Variants in LMX1B observed in about 807,000 individuals in gnomAD.
LMX1B encodes the protein LIM homeobox transcription factor 1 beta.
Under a neutral mutation model 51.4 loss-of-function variants are expected in LMX1B, and 12 were observed. That is an observed-to-expected ratio of 0.23 (90% CI 0.15 to 0.38). The LOEUF (loss-of-function observed/expected upper bound fraction) is 0.38, where lower values mean the gene tolerates loss of function less well. LMX1B is among the 10% of genes least tolerant of loss of function. LMX1B has a pLI of 1.00. For missense variants in LMX1B, 445 were observed against 571.1 expected, an observed-to-expected ratio of 0.78 and a Z score of 2.25; for synonymous variants, 237 against 235.4, an observed-to-expected ratio of 1.01 and a Z score of -0.06.
intron 2 of LMX1B, among the ~76,000 whole-genome samples, chr9:126,616,128 C>T (rs2118825885): frequency 6.6e-6 from 1 of 152,340 alleles, no homozygotes; most frequent in South Asian, 2.1e-4. Context: ...CCAAACCGTT[C>T]CATGCGGGAA....
chr9:126,694,352 C>T (rs2030253017), intron 6 of LMX1B, among the ~76,000 whole-genome samples: 1 of 152,200 alleles, frequency 6.6e-6, no homozygotes. Context: ...AAGCCTGGAG[C>T]TCAAGCCTGT....
chr9:126,652,019 G>A (rs945356078), intron 2 of LMX1B, among the ~76,000 whole-genome samples: 2 of 148,174 alleles, frequency 1.3e-5, no homozygotes, highest in Admixed American at 6.8e-5. Context: ...GCCTGCCTGC[G>A]GTGGGATACT....
At position 126,640,329 on chromosome 9, in the gene LMX1B, T is replaced by TA. The variant is rs374523015; in HGVS notation, c.326+24761dup. Among the ~76,000 whole-genome samples, 332 of 152,244 alleles carry TA rather than the reference T, an allele frequency of 2.2e-3. 1 individual carries two copies. The highest frequency in any genetic ancestry group is 7.6e-3 in the African/African-American group (315 of 41,546). On this transcript the variant is annotated intron_variant, in intron 2 of 7. Coordinates refer to ENST00000373474, the MANE Select transcript of LMX1B (RefSeq NM_001174147.2). ...CAGGTATCCTGAGCTCTGCACCCTG[T>TA]AGGCCTTGGTATGGGACCCCTCCAA...
At chr9:126,663,224 C>T (rs561014661) in intron 2 of LMX1B, among the ~76,000 whole-genome samples, 16 of 151,768 alleles carry the variant, frequency 1.1e-4, no homozygotes, top group Non-Finnish European at 2.2e-4. Context: ...GTCAGGAGTT[C>T]GAGACCAGCC....
At chr9:126,646,316 C>G (rs1238237320) in intron 2 of LMX1B, among the ~76,000 whole-genome samples, 1 of 152,000 alleles carries the variant, frequency 6.6e-6, no homozygotes, top group Non-Finnish European at 1.5e-5. Context: ...AGCCACCTAC[C>G]TATCCATCCA....
intron 2 of LMX1B, among the ~76,000 whole-genome samples, chr9:126,649,867 A>G (rs368952859): frequency 6.6e-5 from 10 of 152,308 alleles, no homozygotes; most frequent in African/African-American, 1.9e-4. Context: ...AGCTCAAGCA[A>G]TCTGCCCACC....
intron 3 of LMX1B, 41 bp from the exon 4 acceptor site, chr9:126,693,101 C>G (rs539012383): frequency 3.9e-6 from 6 of 1,539,578 alleles, no homozygotes; most frequent in East Asian, 4.9e-5. Flanking sequence ...GCCTGGGCTG[C>G]CCCCGCCCCT....
chr9:126,696,527 C>T lies in LMX1B; in HGVS notation c.*76C>T, dbSNP rs1223814467. The stretch of plus-strand genomic sequence containing the variant: ...AGCCTCTGCGGCCAGCCTGGCCACC[C>T]CCGCCCTGCTCTCCGCACAGACTAC... On this transcript the variant is annotated 3_prime_UTR_variant, in exon 8 of 8. Transcript: ENST00000373474. The T allele has an allele frequency of 1.1e-5, 17 of 1,539,642 alleles. No homozygotes were observed. The highest frequency in any genetic ancestry group is 8.4e-5 in the Admixed American group (5 of 59,712).
intron 2 of LMX1B, among the ~76,000 whole-genome samples, chr9:126,657,052 G>A (rs529818832): frequency 2.0e-5 from 3 of 152,292 alleles, no homozygotes; most frequent in Admixed American, 2.0e-4. Flanking sequence ...GGGTGGCCCT[G>A]GTCACCTAAC....
intron 2 of LMX1B, among the ~76,000 whole-genome samples, chr9:126,683,091 G>T (rs1178441220): frequency 6.6e-6 from 1 of 151,152 alleles, no homozygotes; most frequent in African/African-American, 2.4e-5. Context: ...TCAAAGGGCC[G>T]AGGGGCCGGC....
intron 2 of LMX1B, among the ~76,000 whole-genome samples, chr9:126,685,060 C>T (rs35556164): frequency 0.096 from 14,537 of 152,160 alleles, 1,054 homozygotes; most frequent in East Asian, 0.34. Flanking sequence ...AAATTAGACC[C>T]AGTATCTGAT....
At position 126,652,994 on chromosome 9, in the gene LMX1B, C is replaced by T. The variant is rs529363991; in HGVS notation, c.326+37425C>T. ...GGCTGGGCAAGACTGAAAACAAACC[C>T]AGCAAAAGGGCCCAGGGTTGCCTGA... On this transcript the variant is annotated intron_variant, in intron 2 of 7. Coordinates refer to ENST00000373474, the MANE Select transcript of LMX1B (RefSeq NM_001174147.2). Among the ~76,000 whole-genome samples, 52 of 152,238 alleles carry T rather than the reference C, an allele frequency of 3.4e-4. 1 individual carries two copies. The highest frequency in any genetic ancestry group is 1.2e-3 in the African/African-American group (49 of 41,546).
At chr9:126,661,476 G>A (rs1448640775) in intron 2 of LMX1B, among the ~76,000 whole-genome samples, 2 of 152,198 alleles carry the variant, frequency 1.3e-5, no homozygotes, top group African/African-American at 2.4e-5. Flanking sequence ...AGGCTGAGCC[G>A]AAGCACATGG....
intron 2 of LMX1B, among the ~76,000 whole-genome samples, chr9:126,619,233 C>T (rs978502564): frequency 3.9e-5 from 6 of 152,234 alleles, no homozygotes; most frequent in Admixed American, 2.6e-4. Flanking sequence ...GCATTCCTTT[C>T]CTTGGAAGTG....
At chr9:126,669,826 G>C (rs907818365) in intron 2 of LMX1B, among the ~76,000 whole-genome samples, 25 of 152,150 alleles carry the variant, frequency 1.6e-4, no homozygotes, top group Non-Finnish European at 3.2e-4. Context: ...AGTTCCTCAG[G>C]ATCTGGGCAG....
In LMX1B at chr9:126,625,228, C is replaced by T. The variant is rs1564147151; in HGVS notation, c.326+9659C>T. The stretch of plus-strand genomic sequence containing the variant: ...GTAGCCCCCTGACGCTTTTCGTTTC[C>T]GAGCGCGCTTGGGCCTCAGGAGCCG... On this transcript the variant is annotated intron_variant, in intron 2 of 7. Coordinates refer to ENST00000373474, the MANE Select transcript of LMX1B (RefSeq NM_001174147.2). The surrounding 1 kb of genome is among the most constrained non-coding windows in gnomAD (Gnocchi z 5.3). Among the ~76,000 whole-genome samples, 1 of 152,258 alleles carries T rather than the reference C, an allele frequency of 6.6e-6. No individual in the cohort carries two copies. Among genetic ancestry groups the T allele is most frequent in the African/African-American group, 2.4e-5 (1 of 41,462 alleles).
chr9:126,624,331 C>T (rs1010485097), intron 2 of LMX1B, among the ~76,000 whole-genome samples: 16 of 152,220 alleles, frequency 1.1e-4, no homozygotes, highest in Non-Finnish European at 2.1e-4. Flanking sequence ...CAGGCTCCCG[C>T]TGGAGGGAGT....
intron 2 of LMX1B, among the ~76,000 whole-genome samples, chr9:126,616,622 C>CT (rs1369605864): frequency 1.3e-5 from 2 of 152,192 alleles, no homozygotes; most frequent in African/African-American, 2.4e-5. Context: ...GGGTAGGCTG[C>CT]TTAGGTGGTT....
chr9:126,687,858 G>A (rs142551620), intron 2 of LMX1B, among the ~76,000 whole-genome samples: 5 of 152,294 alleles, frequency 3.3e-5, no homozygotes, highest in South Asian at 2.1e-4. Flanking sequence ...ATAGTCCTCC[G>A]TGGTGGGAGG....
Sources: gnomAD v4.1 joint callset for allele counts (sites outside exome capture counted in the v4.1 genomes callset) on GRCh38, gnomAD v4.1.1 for gene constraint, Gnocchi (gnomAD v3.1) non-coding constraint, MANE v1.5 for transcripts, NCBI Gene and HGNC (gene_info 2026-07-23, HGNC 2026-07-21) for gene names.